The following SMCO2 variants were observed in gnomAD, a reference collection of about 807,000 sequenced individuals.
The protein encoded by SMCO2 is single-pass membrane and coiled-coil domain-containing protein 2.
In SMCO2, 25 loss-of-function variants were observed where a neutral mutation model predicts 29.5. The observed-to-expected ratio is 0.85, with a 90% confidence interval of 0.62 to 1.18. The LOEUF (loss-of-function observed/expected upper bound fraction) is 1.18. Ranked by LOEUF, SMCO2 falls within the 50% of genes most tolerant of loss-of-function variation. SMCO2 has a pLI of 0.00. For missense variants in SMCO2, 348 were observed against 344.5 expected (o/e 1.01, Z -0.08); for synonymous variants, 117 against 123.3 (o/e 0.95, Z 0.34).
chr12:27,430,193 ATGGTGG>A, the SMCO2 span, among the ~76,000 whole-genome samples: 1 of 152,104 alleles, frequency 6.6e-6, no homozygotes, highest in African/African-American at 2.4e-5. Context: ...AAATGAAGTA[ATGGTGG>A]TGGTGGGCAG....
At chr12:27,438,897 TAGAC>T in the SMCO2 span, among the ~76,000 whole-genome samples, 2 of 152,026 alleles carry the variant, frequency 1.3e-5, no homozygotes, top group Non-Finnish European at 2.9e-5. Flanking sequence ...GAAGAACTCT[TAGAC>T]AGTGGTAGGA....
upstream of SMCO2, among the ~76,000 whole-genome samples, chr12:27,463,356 C>A (rs1412926402): frequency 6.6e-6 from 1 of 152,186 alleles, no homozygotes; most frequent in Non-Finnish European, 1.5e-5. Context: ...CCTCTGCCTC[C>A]AGGGTTCAAG....
At chr12:27,478,689 G>A (rs1209633275) in intron 4 of SMCO2, among the ~76,000 whole-genome samples, 1 of 152,156 alleles carries the variant, frequency 6.6e-6, no homozygotes, top group African/African-American at 2.4e-5. Context: ...CAGGAAGGGT[G>A]GGCCTATCAC....
intron 4 of SMCO2, among the ~76,000 whole-genome samples, chr12:27,483,129 T>C (rs577201060): frequency 6.6e-6 from 1 of 152,316 alleles, no homozygotes; most frequent in African/African-American, 2.4e-5. Flanking sequence ...TATTCTACTA[T>C]TGTTTGAGTA....
chr12:27,466,752 G>A (rs1410091685), upstream of SMCO2: 1 of 152,394 alleles, frequency 6.6e-6, no homozygotes, highest in Non-Finnish European at 1.5e-5. Flanking sequence ...GTGAGAGGGG[G>A]TTACAGGCAC....
the SMCO2 span, chr12:27,446,403 G>A: frequency 2.6e-5 from 4 of 152,100 alleles, no homozygotes; most frequent in Non-Finnish European, 4.4e-5. Context: ...ATCTCCCAAA[G>A]GCCTGATCTC....
the SMCO2 span, among the ~76,000 whole-genome samples, chr12:27,456,063 G>A: frequency 0.64 from 96,953 of 151,970 alleles, 31,118 homozygotes; most frequent in Middle Eastern, 0.73. Flanking sequence ...TAAAAATACA[G>A]AATTAGCCAG....
intron 1 of SMCO2, among the ~76,000 whole-genome samples, chr12:27,467,267 A>C (rs1256342291): frequency 6.6e-6 from 1 of 152,122 alleles, no homozygotes; most frequent in Non-Finnish European, 1.5e-5. Flanking sequence ...ATATGGGGGA[A>C]GGAGGAGGGA....
chr12:27,449,684 C>G, the SMCO2 span, among the ~76,000 whole-genome samples: 1 of 152,216 alleles, frequency 6.6e-6, no homozygotes. Flanking sequence ...ATATCCAATA[C>G]AAATCCATTG....
At chr12:27,467,618 G>A (rs1405089958) in intron 1 of SMCO2, among the ~76,000 whole-genome samples, 1 of 152,050 alleles carries the variant, frequency 6.6e-6, no homozygotes, top group Non-Finnish European at 1.5e-5. Flanking sequence ...TTGTTTTTGA[G>A]GTAAGATGGC....
At chr12:27,426,773 A>G in the SMCO2 span, among the ~76,000 whole-genome samples, 197 of 152,336 alleles carry the variant, frequency 1.3e-3, 1 homozygote, top group Non-Finnish European at 7.6e-4. Context: ...GTAGAAATTC[A>G]TAACCAATGG....
chr12:27,457,153 G>A, the SMCO2 span, among the ~76,000 whole-genome samples: 24 of 151,906 alleles, frequency 1.6e-4, no homozygotes, highest in Non-Finnish European at 2.4e-4. Flanking sequence ...TCAGTTTCTC[G>A]TCCTCTTGGT....
intron 5 of SMCO2, 165 bp from the exon 7 acceptor site, chr12:27,494,135 A>T: frequency 2.2e-6 from 1 of 454,796 alleles, no homozygotes; most frequent in South Asian, 3.6e-5. Context: ...ACAGTCTGCA[A>T]TTTATGATTA....
chr12:27,476,762 T>G (rs1202501232), intron 4 of SMCO2, among the ~76,000 whole-genome samples: 1 of 152,064 alleles, frequency 6.6e-6, no homozygotes, highest in Non-Finnish European at 1.5e-5. Flanking sequence ...AGTGAGTTTC[T>G]TTTAGGCAGC....
chr12:27,483,968 A>AT (rs1341528522), intron 4 of SMCO2, among the ~76,000 whole-genome samples: 2 of 152,144 alleles, frequency 1.3e-5, no homozygotes, highest in Non-Finnish European at 1.5e-5. Context: ...GTTTAAGGTG[A>AT]TTTTTTAAAG....
intron 7 of SMCO2, among the ~76,000 whole-genome samples, chr12:27,499,062 C>T (rs1227597145): frequency 6.6e-6 from 1 of 150,630 alleles, no homozygotes; most frequent in Non-Finnish European, 1.5e-5. Context: ...ATAGAATTAC[C>T]ACATGATTCC....
rs1004402431 is a variant in SMCO2, at chr12:27,497,945, G to A, written c.683+2090G>A. 6.7e-5 allele frequency: 22 copies of A among 328,064 alleles called. 2 individuals are homozygous for A. The highest frequency in any genetic ancestry group is 5.1e-4 in the African/African-American group (22 of 43,126). The allele number at this position is 328,064 out of a possible 1,614,324, so 20.3% of individuals were successfully genotyped here. A position where few individuals can be genotyped will look rare whatever the true frequency, so the allele number is the denominator to read the frequency against. ...TAGAGTCTCCCGTGCTGGATTTGGT[G>A]TGTTGCTAGGGGAAGACAAGAAGTT... On this transcript the variant is annotated intron_variant, in intron 7 of 7. Transcript: ENST00000298876.
rs554911002 is a variant in SMCO2 at position 27,481,060 on chromosome 12, A to G, written c.362+6147A>G. 2.6e-5 allele frequency among the ~76,000 whole-genome samples: 4 copies of G among 152,280 alleles called. No homozygotes were observed. The East Asian group carries it at 7.7e-4, about 29-fold the overall frequency. On this transcript the variant is annotated intron_variant, in intron 4 of 7. Coordinates refer to ENST00000298876, the Ensembl canonical transcript of SMCO2. ...GCTAGAGTGCTGGGGACCTGACTGC[A>G]TGCTGGATTCAGTTGGCATGGTGAT...
rs554390000 is a variant in SMCO2 at position 27,496,636 on chromosome 12, C to T, written c.683+781C>T. Among the ~76,000 whole-genome samples, 17 of 150,696 alleles carry T rather than the reference C, an allele frequency of 1.1e-4. No homozygotes were observed. In the South Asian group the frequency reaches 2.9e-3, roughly 26 times the overall value. On this transcript the variant is annotated intron_variant, in intron 7 of 7. Transcript: ENST00000298876. ...TTTACACCCTGAGAAGTAATTTCCT[C>T]TAAGAAAACATTTTTGATTCTTTAT...
Sources: allele counts gnomAD v4.1 joint callset (sites outside exome capture counted in the v4.1 genomes callset), GRCh38; gene constraint gnomAD v4.1.1; transcripts MANE v1.5; gene names NCBI Gene and HGNC (gene_info 2026-07-23, HGNC 2026-07-21).